HOMER2: variants seen among roughly 807,000 people sequenced by gnomAD.
The protein encoded by HOMER2 is homer protein homolog 2.
A neutral mutation model predicts 47.0 loss-of-function variants in HOMER2; 27 were observed. That is an observed-to-expected ratio of 0.57 (90% CI 0.42 to 0.79). The LOEUF (loss-of-function observed/expected upper bound fraction) is 0.79. HOMER2 is among the 30% of genes least tolerant of loss of function. The probability of loss-of-function intolerance (pLI) is 0.00; values close to 1 mark genes in which losing one functional copy is unlikely to be tolerated. For missense variants in HOMER2, 443 were observed against 435.0 expected (o/e 1.02, Z -0.16); for synonymous variants, 161 against 163.8 (o/e 0.98, Z 0.13).
chr15:82,849,363 A>G lies in HOMER2; in HGVS notation c.*352T>C. The G allele has an allele frequency of 4.7e-6, 1 of 213,158 alleles. No homozygotes were observed. The highest frequency in any genetic ancestry group is 9.3e-6 in the Non-Finnish European group (1 of 107,418). The allele number at this position is 213,158 out of a possible 1,614,324, so 13.2% of individuals were successfully genotyped here. A position where few individuals can be genotyped will look rare whatever the true frequency, so the allele number is the denominator to read the frequency against. On this transcript the variant is annotated 3_prime_UTR_variant, in exon 9 of 9. Coordinates refer to ENST00000450735, the MANE Select transcript of HOMER2 (RefSeq NM_004839.4). Reference sequence around the variant, plus strand: ...TAAAAGGAGCCTGATGGCTTGGTGTAAAGAATATCAATATTTGGATTACAA... The same window carrying G: ...TAAAAGGAGCCTGATGGCTTGGTGTGAAGAATATCAATATTTGGATTACAA...
chr15:82,917,945 G>A (rs2053631864), intron 1 of HOMER2, among the ~76,000 whole-genome samples: 2 of 152,098 alleles, frequency 1.3e-5, no homozygotes, highest in African/African-American at 2.4e-5. Flanking sequence ...TTATAGTTTA[G>A]GGGCGAGACT....
At position 82,892,667 on chromosome 15, in the gene HOMER2, C is replaced by T; in HGVS notation, c.162+18G>A. 6.7e-7 allele frequency: 1 copy of T among 1,482,466 alleles called. No homozygotes were observed. Among genetic ancestry groups the T allele is most frequent in the Non-Finnish European group, 9.1e-7 (1 of 1,099,594 alleles). The allele number at this position is 1,482,466 out of a possible 1,614,324, so 91.8% of individuals were successfully genotyped here. A position where few individuals can be genotyped will look rare whatever the true frequency, so the allele number is the denominator to read the frequency against. Reference sequence around the variant, plus strand: ...GATAAGCAACTGGGAGTATTAAAATCAGCTGAGGGGGTGGTACCTTGGCTC... The same window carrying T: ...GATAAGCAACTGGGAGTATTAAAATTAGCTGAGGGGGTGGTACCTTGGCTC... On this transcript the variant is annotated intron_variant, in intron 2 of 8. Transcript: ENST00000450735.
In HOMER2 at chr15:82,854,844, C is replaced by CA. The variant is rs1248965544; in HGVS notation, c.495-45_495-44insT. On this transcript the variant is annotated intron_variant, in intron 5 of 8. Coordinates refer to ENST00000450735, the MANE Select transcript of HOMER2 (RefSeq NM_004839.4). ...CGGTGACGACGGGGTGGGTGCTGTC[C>CA]CGTCTGGCTCCGCCCGCGTGGGGAA... 3 of 1,578,316 alleles carry CA rather than the reference C, an allele frequency of 1.9e-6. No individual in the cohort carries two copies. The Admixed American group carries it at 5.1e-5, about 27-fold the overall frequency.
intron 1 of HOMER2, among the ~76,000 whole-genome samples, chr15:82,969,363 A>C (rs568633649): frequency 1.3e-5 from 2 of 152,342 alleles, no homozygotes; most frequent in South Asian, 4.2e-4. Flanking sequence ...AGAAAGTCTG[A>C]AGACATGACT....
chr15:82,895,019 C>A (rs2052861101), intron 1 of HOMER2, among the ~76,000 whole-genome samples: 1 of 152,204 alleles, frequency 6.6e-6, no homozygotes, highest in African/African-American at 2.4e-5. Context: ...CTGAGTAACA[C>A]CAGCAGCATC....
chr15:82,947,170 A>G (rs568161058), intron 1 of HOMER2, among the ~76,000 whole-genome samples: 1 of 152,378 alleles, frequency 6.6e-6, no homozygotes, highest in Non-Finnish European at 1.5e-5. Context: ...CCACAGGACC[A>G]AGAGAAGACA....
exon 2 of HOMER2, chr15:82,843,391 C>T (rs187037802): frequency 4.2e-4 from 52 of 124,312 alleles, no homozygotes; most frequent in African/African-American, 1.6e-3. Context: ...TTGCAGTGAG[C>T]TGAGATCACG....
chr15:82,927,773 T>C (rs1440163005), intron 1 of HOMER2, among the ~76,000 whole-genome samples: 2 of 152,028 alleles, frequency 1.3e-5, no homozygotes, highest in South Asian at 2.1e-4. Context: ...GAGTTCAAGA[T>C]CAGCCTAACC....
chr15:82,907,071 G>A (rs2053307549), intron 1 of HOMER2, among the ~76,000 whole-genome samples: 3 of 152,166 alleles, frequency 2.0e-5, no homozygotes, highest in African/African-American at 2.4e-5. Flanking sequence ...GGACAGATCC[G>A]AGGCTGGGTG....
intron 6 of HOMER2, among the ~76,000 whole-genome samples, chr15:82,853,693 G>T (rs1334496440): frequency 2.0e-5 from 3 of 151,256 alleles, no homozygotes; most frequent in Non-Finnish European, 4.4e-5. Context: ...AGACCTCAAT[G>T]GGGGGTCTCT....
chr15:82,975,996 TAAATTA>T, intron 1 of HOMER2, among the ~76,000 whole-genome samples: 1 of 152,242 alleles, frequency 6.6e-6, no homozygotes, highest in South Asian at 2.1e-4. Context: ...TGAACCCATA[TAAATTA>T]AAATTAAAAA....
At chr15:82,944,522 CCA>C (rs1291817571) in intron 1 of HOMER2, among the ~76,000 whole-genome samples, 2 of 152,204 alleles carry the variant, frequency 1.3e-5, no homozygotes, top group Non-Finnish European at 2.9e-5. Context: ...ACTTGATACA[CCA>C]CAGATTTCTA....
chr15:82,836,835 G>A (rs1313577038), downstream of HOMER2: 6 of 152,270 alleles, frequency 3.9e-5, no homozygotes, highest in African/African-American at 7.2e-5. Flanking sequence ...TGAAACCCAC[G>A]TAGTTGAGTG....
intron 1 of HOMER2, chr15:82,951,953 G>GT (rs1442320447): frequency 1.8e-6 from 1 of 561,200 alleles, no homozygotes; most frequent in African/African-American, 2.0e-5. Flanking sequence ...CTTCGACAGA[G>GT]TATTTCAACT....
At chr15:82,877,648 C>G (rs2052393222) in intron 2 of HOMER2, among the ~76,000 whole-genome samples, 1 of 152,188 alleles carries the variant, frequency 6.6e-6, no homozygotes, top group African/African-American at 2.4e-5. Context: ...CTTCTTTTCC[C>G]CATCTATGAA....
At chr15:82,904,594 T>C (rs2053233215) in intron 1 of HOMER2, among the ~76,000 whole-genome samples, 1 of 152,076 alleles carries the variant, frequency 6.6e-6, no homozygotes, top group African/African-American at 2.4e-5. Flanking sequence ...CAGGGCCCAA[T>C]CAGCTGGGGT....
At chr15:82,896,214 G>C (rs2052911966) in intron 1 of HOMER2, among the ~76,000 whole-genome samples, 1 of 152,142 alleles carries the variant, frequency 6.6e-6, no homozygotes, top group African/African-American at 2.4e-5. Flanking sequence ...TGGTGGCCCA[G>C]CAGTAGCCTT....
At chr15:82,930,267 A>C (rs965802601) in intron 1 of HOMER2, among the ~76,000 whole-genome samples, 2 of 152,176 alleles carry the variant, frequency 1.3e-5, no homozygotes, top group African/African-American at 4.8e-5. Flanking sequence ...TAAAATGTGA[A>C]GCTCAAATGA....
chr15:82,882,554 T>C (rs143540335), intron 2 of HOMER2, among the ~76,000 whole-genome samples: 12 of 152,282 alleles, frequency 7.9e-5, no homozygotes, highest in South Asian at 2.1e-4. Context: ...ACATGAAACA[T>C]TGTCCCGGGG....
Sources: allele counts gnomAD v4.1 joint callset (sites outside exome capture counted in the v4.1 genomes callset), GRCh38; gene constraint gnomAD v4.1.1; transcripts MANE v1.5; gene names NCBI Gene and HGNC (gene_info 2026-07-23, HGNC 2026-07-21).